The following TTLL3 variants were observed in gnomAD, a reference collection of about 807,000 sequenced individuals.
TTLL3 encodes the protein tubulin tyrosine ligase like 3, also known as tubulin monoglycylase TTLL3.
TTLL3 carries 63 observed loss-of-function variants against 75.2 expected under a neutral mutation model. That is an observed-to-expected ratio of 0.84 (90% CI 0.68 to 1.03). The LOEUF (loss-of-function observed/expected upper bound fraction) is 1.03, where lower values mean the gene tolerates loss of function less well. TTLL3 is among the 50% of genes least tolerant of loss of function. The pLI is 0.00. For missense variants in TTLL3, 997 were observed against 1,069.9 expected (o/e 0.93, Z 0.95); for synonymous variants, 393 against 418.5 (o/e 0.94, Z 0.74).
chr3:9,835,607 C>A lies in TTLL3; in HGVS notation c.*118C>A. 9.8e-7 allele frequency: 1 copy of A among 1,021,116 alleles called. No individual in the cohort carries two copies. The highest frequency in any genetic ancestry group is 1.4e-6 in the Non-Finnish European group (1 of 709,438). The allele number at this position is 1,021,116 out of a possible 1,614,324, so 63.3% of individuals were successfully genotyped here. The stretch of plus-strand genomic sequence containing the variant: ...CGATCCAGGGGTGGGGAGCGTGAGC[C>A]TTCACTTTACAGATGAAGAAACTGA... On this transcript the variant is annotated 3_prime_UTR_variant, in exon 14 of 14. Transcript: ENST00000685419.
At chr3:9,831,324 C>G (rs2081510507) in intron 11 of TTLL3, among the ~76,000 whole-genome samples, 1 of 152,234 alleles carries the variant, frequency 6.6e-6, no homozygotes, top group Non-Finnish European at 1.5e-5. Context: ...GTGTGATTTA[C>G]CTTGGTCTTC....
chr3:9,832,815 A>T (rs2081687105), intron 11 of TTLL3, among the ~76,000 whole-genome samples: 1 of 152,098 alleles, frequency 6.6e-6, no homozygotes, highest in Admixed American at 6.5e-5. Flanking sequence ...TGTGCAGTGG[A>T]GCCACACGCA....
rs1426124393 is a variant in TTLL3 at position 9,825,943 on chromosome 3, G to C, written c.998G>C (p.Gly333Ala). ...WIVKPGAKSR[G>A]RGIMCMDHLE... ...GTGAAGCCAGGAGCCAAGTCCCGCG[G>C]ACGAGGTGGGGGTCAGCTCCTGCTT... Residue 333 changes from glycine (G) to alanine (A), a missense_variant, in exon 9 of 14, where the codon GGA (glycine) becomes GCA (alanine). Coordinates refer to ENST00000685419, the MANE Select transcript of TTLL3 (RefSeq NM_001387446.1). The C allele has an allele frequency of 6.2e-7, 1 of 1,612,716 alleles. No individual in the cohort carries two copies. Among genetic ancestry groups the C allele is most frequent in the Non-Finnish European group, 8.5e-7 (1 of 1,178,908 alleles).
Position 9,834,729 on chromosome 3 carries a change from C to T in TTLL3, c.1874C>T (p.Pro625Leu). The T allele has an allele frequency of 1.9e-6, 3 of 1,614,224 alleles. No individual in the cohort carries two copies. Among genetic ancestry groups the T allele is most frequent in the Non-Finnish European group, 2.5e-6 (3 of 1,180,046 alleles). Residue 625 changes from proline to leucine, a missense_variant, in exon 13 of 14, where the codon CCC (proline) becomes CTC (leucine). Transcript: ENST00000685419. ...SLHTKAQLPSPHVLRHQGQVL... is the reference protein window; with the variant it reads ...SLHTKAQLPSLHVLRHQGQVL... The stretch of plus-strand genomic sequence containing the variant: ...CACACCAAGGCCCAGCTGCCTTCTC[C>T]CCATGTACTCCGACACCAGGGCCAG...
intron 5 of TTLL3, among the ~76,000 whole-genome samples, chr3:9,817,105 G>C (rs1362066058): frequency 6.6e-6 from 1 of 152,134 alleles, no homozygotes; most frequent in Non-Finnish European, 1.5e-5. Flanking sequence ...GAGCCACCGC[G>C]CTCGGCCTTG....
At position 9,835,466 on chromosome 3, in the gene TTLL3, C is replaced by T; in HGVS notation, c.2425C>T (p.Pro809Ser). ...AGTGGATGGGGCGAGGCCGTGTACC[C>T]CAGGGTCCACAGCAAGAGCCTGAGG... Reference protein sequence around the residue: ...SRVDGARPCTPGSTARA With the variant: ...SRVDGARPCTSGSTARA Residue 809 changes from proline to serine, a missense_variant, in exon 14 of 14, where the codon CCA becomes TCA. Transcript: ENST00000685419. The T allele has an allele frequency of 3.1e-6, 5 of 1,603,986 alleles. No individual in the cohort carries two copies. The highest frequency in any genetic ancestry group is 4.3e-6 in the Non-Finnish European group (5 of 1,176,098).
chr3:9,820,340 CAGTG>C, intron 7 of TTLL3: 2 of 1,426,086 alleles, frequency 1.4e-6, no homozygotes, highest in Non-Finnish European at 1.8e-6. Context: ...GGTCCTGGGA[CAGTG>C]GGAGCCAAGG....
intron 8 of TTLL3, among the ~76,000 whole-genome samples, chr3:9,822,002 CA>C (rs1197157115): frequency 0.013 from 664 of 50,090 alleles, no homozygotes; most frequent in Non-Finnish European, 0.016. Flanking sequence ...GACTCCGTCT[CA>C]AAAAAAAAAA....
chr3:9,815,987 A>C (rs1575364020), intron 4 of TTLL3, 87 bp from the exon 5 acceptor site: 2 of 1,217,258 alleles, frequency 1.6e-6, no homozygotes, highest in East Asian at 5.7e-5. Context: ...CTGTTCACCC[A>C]CCCTGCTCAG....
In TTLL3 at chr3:9,829,123, A is replaced by T. The variant is rs780086456; in HGVS notation, c.1411A>T (p.Met471Leu). The T allele has an allele frequency of 6.2e-7, 1 of 1,614,256 alleles. No homozygotes were observed. The highest frequency in any genetic ancestry group is 1.7e-5 in the Admixed American group (1 of 60,030). ...TTGGTCCACCATCATCGTGCCTGGC[A>T]TGAAGGATGCTGTGATCCACGCACT... is the stretch of plus-strand genomic sequence containing the variant. Reference protein sequence around the residue: ...NAWSTIIVPGMKDAVIHALQT... With the variant: ...NAWSTIIVPGLKDAVIHALQT... The change falls in exon 11 of 14, where the codon ATG becomes TTG. Residue 471 changes from methionine to leucine, a missense_variant. Physicochemically the swap from Met to Leu is conservative, Grantham distance 15. Coordinates refer to ENST00000685419, the MANE Select transcript of TTLL3 (RefSeq NM_001387446.1).
chr3:9,831,003 A>C (rs749629787), intron 11 of TTLL3, among the ~76,000 whole-genome samples: 2 of 152,008 alleles, frequency 1.3e-5, no homozygotes, highest in African/African-American at 4.8e-5. Flanking sequence ...GGGTTTCACC[A>C]TGTTAGCCAG....
chr3:9,823,252 T>C (rs1033457416), intron 8 of TTLL3, among the ~76,000 whole-genome samples: 6 of 151,990 alleles, frequency 3.9e-5, no homozygotes, highest in East Asian at 2.0e-4. Flanking sequence ...GGTGTGGTGG[T>C]GGGTGCCTGT....
chr3:9,833,321 A>C, intron 12 of TTLL3, 76 bp downstream of exon 12: 1 of 1,570,230 alleles, frequency 6.4e-7, no homozygotes, highest in Non-Finnish European at 8.6e-7. Context: ...GGGCACAGTG[A>C]GAAGCCAGTC....
chr3:9,810,547 C>G lies in TTLL3; in HGVS notation c.-41-74C>G, dbSNP rs1043256086. On this transcript the variant is annotated intron_variant, in intron 1 of 13. Coordinates refer to ENST00000685419, the MANE Select transcript of TTLL3 (RefSeq NM_001387446.1). The surrounding 1 kb of genome is among the most constrained non-coding windows in gnomAD (Gnocchi z 4.4). ...AGAAAAGAGGCGTGGCTATGGGCGG[C>G]CAGAAAAGATCCTAGGCCGAGACCC... 2.0e-6 allele frequency: 3 copies of G among 1,488,530 alleles called. No homozygotes were observed. The highest frequency in any genetic ancestry group is 2.7e-6 in the Non-Finnish European group (3 of 1,116,352). The allele number at this position is 1,488,530 out of a possible 1,614,324, so 92.2% of individuals were successfully genotyped here.
At chr3:9,822,055 C>T (rs1303541357) in intron 8 of TTLL3, among the ~76,000 whole-genome samples, 3 of 134,698 alleles carry the variant, frequency 2.2e-5, no homozygotes, top group Non-Finnish European at 4.6e-5. Flanking sequence ...TCATGAAGCA[C>T]GAGTCCCTTT....
Position 9,835,252 on chromosome 3 carries a change from GA to G in TTLL3, c.2213del (p.Lys738ArgfsTer3), listed in dbSNP as rs1055032395. 22 of 1,614,088 alleles carry G rather than the reference GA, an allele frequency of 1.4e-5. No homozygotes were observed. The highest frequency in any genetic ancestry group is 1.9e-5 in the Non-Finnish European group (22 of 1,180,034). On this transcript the variant is annotated frameshift_variant, in exon 14 of 14. Transcript: ENST00000685419. LOFTEE classifies it low-confidence loss of function (END_TRUNC). ...DKPRAEACPM[K>X]RLSPLKPLPL... ...AACCCAGGGCTGAGGCCTGCCCCAT[GA>G]AGAGGCTGAGCCCCCTGAAACCCCT...
Position 9,833,183 on chromosome 3 carries a change from G to A in TTLL3, c.1763G>A (p.Cys588Tyr). The change falls in exon 12 of 14, where the codon TGT (cysteine) becomes TAT (tyrosine). Residue 588 changes from cysteine (C) to tyrosine (Y), a missense_variant. Cys to Tyr is a radical substitution (Grantham distance 194, BLOSUM62 -2). Coordinates refer to ENST00000685419, the MANE Select transcript of TTLL3 (RefSeq NM_001387446.1). ...GFTIKKPMAM[C>Y]HRRMGVRPAV... ...ACCATCAAGAAGCCCATGGCGATGT[G>A]TCATCGGCGGATGGGGGTCCGCCCA... The A allele has an allele frequency of 2.5e-6, 4 of 1,614,120 alleles. No individual in the cohort carries two copies. The highest frequency in any genetic ancestry group is 3.4e-6 in the Non-Finnish European group (4 of 1,179,986).
intron 11 of TTLL3, among the ~76,000 whole-genome samples, chr3:9,830,868 T>A (rs565843553): frequency 1.3e-3 from 191 of 152,266 alleles, no homozygotes; most frequent in Non-Finnish European, 2.1e-3. Flanking sequence ...AGTGGCACCA[T>A]CTCGGCTCAC....
At position 9,825,791 on chromosome 3, in the gene TTLL3, T is replaced by TCCCCACAGCGAAGGGG; in HGVS notation, c.855-7_863dup. The TCCCCACAGCGAAGGGG allele has an allele frequency of 3.1e-6, 5 of 1,613,924 alleles. No homozygotes were observed. Among genetic ancestry groups the TCCCCACAGCGAAGGGG allele is most frequent in the Non-Finnish European group, 4.2e-6 (5 of 1,179,964 alleles). ...CCAGCCCTGCCCAAGTTCTATCATT[T>TCCCCACAGCGAAGGGG]CCCCACAGCGAAGGGGCAGAACTCA... On this transcript the variant is annotated splice_polypyrimidine_tract_variant and intron_variant, in intron 8 of 13. Coordinates refer to ENST00000685419, the MANE Select transcript of TTLL3 (RefSeq NM_001387446.1).
Sources: gnomAD v4.1 joint callset for allele counts (sites outside exome capture counted in the v4.1 genomes callset) on GRCh38, gnomAD v4.1.1 for gene constraint, Gnocchi (gnomAD v3.1) non-coding constraint, MANE v1.5 for transcripts, NCBI Gene and HGNC (gene_info 2026-07-23, HGNC 2026-07-21) for gene names.